WDR35: variants seen among roughly 807,000 people sequenced by gnomAD.
WDR35 encodes the protein WD repeat domain 35.
Under a neutral mutation model 158.3 loss-of-function variants are expected in WDR35, and 118 were observed. That is an observed-to-expected ratio of 0.75 (90% CI 0.64 to 0.87). The LOEUF is 0.87. Ranked by LOEUF, WDR35 falls within the 40% of genes least tolerant of loss-of-function variation. The pLI is 0.00. For missense variants in WDR35, 1,263 were observed against 1,405.8 expected (o/e 0.90, Z 1.62); for synonymous variants, 448 against 476.1 (o/e 0.94, Z 0.77).
chr2:19,954,791 A>C (rs1481876327), intron 11 of WDR35, among the ~76,000 whole-genome samples: 1 of 152,136 alleles, frequency 6.6e-6, no homozygotes, highest in Non-Finnish European at 1.5e-5. Flanking sequence ...CAGCAATTCC[A>C]CTCCTAGGTA....
intron 11 of WDR35, among the ~76,000 whole-genome samples, chr2:19,957,942 G>A (rs921071289): frequency 1.7e-4 from 26 of 152,342 alleles, no homozygotes; most frequent in Admixed American, 6.5e-4. Flanking sequence ...AAGCAAGGAT[G>A]TAAAATAATT....
chr2:19,936,064 A>G (rs1293286669), intron 20 of WDR35, among the ~76,000 whole-genome samples, 155 bp downstream of exon 20: 2 of 152,208 alleles, frequency 1.3e-5, no homozygotes, highest in African/African-American at 4.8e-5. Flanking sequence ...ACAACTTCAC[A>G]GGATCTCCGG....
chr2:19,935,904 T>C (rs1322062505), intron 20 of WDR35, among the ~76,000 whole-genome samples: 1 of 152,116 alleles, frequency 6.6e-6, no homozygotes, highest in Non-Finnish European at 1.5e-5. Flanking sequence ...TAATATATAA[T>C]AAAGCAAATA....
chr2:19,928,109 T>C (rs1670413204), intron 25 of WDR35, among the ~76,000 whole-genome samples: 1 of 152,176 alleles, frequency 6.6e-6, no homozygotes, highest in African/African-American at 2.4e-5. Flanking sequence ...ACACCCACTC[T>C]GGAAGGTTGT....
chr2:19,920,097 C>T (rs539851155), intron 25 of WDR35, among the ~76,000 whole-genome samples: 1 of 152,236 alleles, frequency 6.6e-6, no homozygotes, highest in South Asian at 2.1e-4. Context: ...CATAGCCCAC[C>T]AACCAAAAAA....
Position 19,973,912 on chromosome 2 carries a change from G to T in WDR35, c.737-204C>A, listed in dbSNP as rs13415707. Among the ~76,000 whole-genome samples the T allele has an allele frequency of 0.11, 16,133 of 151,628 alleles. 944 individuals are homozygous for T. Among genetic ancestry groups the T allele is most frequent in the South Asian group, 0.2 (949 of 4,802 alleles). ...CACTTGAGTCCAGGAGTTCAAGATCGGCCTGGGCAACATGGTGAAACCCTG... is the reference window on the plus strand; with the variant it reads ...CACTTGAGTCCAGGAGTTCAAGATCTGCCTGGGCAACATGGTGAAACCCTG... On this transcript the variant is annotated intron_variant, in intron 7 of 26. Transcript: ENST00000281405.
At chr2:19,939,282 A>G (rs1447707740) in intron 17 of WDR35, among the ~76,000 whole-genome samples, 3 of 152,206 alleles carry the variant, frequency 2.0e-5, no homozygotes, top group Non-Finnish European at 4.4e-5. Flanking sequence ...ACGAAATTTA[A>G]ATGTTCTAAA....
At chr2:19,989,398 GA>G (rs913014961) in intron 1 of WDR35, 116 bp from the exon 2 acceptor site, 2 of 918,398 alleles carry the variant, frequency 2.2e-6, no homozygotes, top group Non-Finnish European at 1.8e-6. Context: ...CGGCCTTGCA[GA>G]AAAAAAATGA....
intron 4 of WDR35, among the ~76,000 whole-genome samples, chr2:19,979,609 T>TG (rs1297100636): frequency 2.0e-5 from 3 of 152,186 alleles, no homozygotes; most frequent in African/African-American, 7.2e-5. Flanking sequence ...CATACCAACA[T>TG]GGGCAACTCT....
intron 2 of WDR35, 105 bp from the exon 3 acceptor site, chr2:19,982,639 G>A: frequency 8.8e-7 from 1 of 1,135,260 alleles, no homozygotes; most frequent in Non-Finnish European, 1.3e-6. Flanking sequence ...ATTTTTCTAA[G>A]TATGCCCCAT....
At chr2:19,951,269 AG>A in intron 13 of WDR35, 145 bp downstream of exon 13, 3 of 722,076 alleles carry the variant, frequency 4.2e-6, no homozygotes, top group Non-Finnish European at 6.7e-6. Flanking sequence ...TCTAGGAAAA[AG>A]TTTACAGAAG....
chr2:19,941,980 A>C (rs556188720), intron 16 of WDR35, 141 bp from the exon 17 acceptor site: 112 of 602,520 alleles, frequency 1.9e-4, no homozygotes, highest in African/African-American at 1.8e-3. Flanking sequence ...CCATAACCTA[A>C]ATAATTAGCA....
chr2:19,966,608 C>T, intron 10 of WDR35, 116 bp downstream of exon 10: 1 of 1,229,712 alleles, frequency 8.1e-7, no homozygotes, highest in South Asian at 1.3e-5. Context: ...CCAATAGTGC[C>T]AACAGACCCA....
chr2:19,962,158 T>C, intron 10 of WDR35: 3 of 870,674 alleles, frequency 3.4e-6, no homozygotes, highest in Admixed American at 2.7e-5. Flanking sequence ...TTTCTATTTT[T>C]ATTTTTATCT....
At chr2:19,970,914 A>G (rs542193430) in intron 8 of WDR35, among the ~76,000 whole-genome samples, 87 of 152,284 alleles carry the variant, frequency 5.7e-4, no homozygotes, top group African/African-American at 2.0e-3. Flanking sequence ...GAATTACAGA[A>G]TGAGCTCCTT....
At chr2:19,914,802 T>C (rs1669944687) in intron 25 of WDR35, among the ~76,000 whole-genome samples, 1 of 152,172 alleles carries the variant, frequency 6.6e-6, no homozygotes, top group South Asian at 2.1e-4. Context: ...ACTGAAACAA[T>C]AGGATTTTGT....
chr2:19,989,076 T>A, intron 2 of WDR35, 89 bp downstream of exon 2: 2 of 1,119,880 alleles, frequency 1.8e-6, no homozygotes, highest in Non-Finnish European at 2.7e-6. Flanking sequence ...TAATCAGAAC[T>A]GCATATTGAC....
chr2:19,962,436 G>A, intron 10 of WDR35: 1 of 1,020,518 alleles, frequency 9.8e-7, no homozygotes, highest in East Asian at 2.4e-5. Context: ...AATCATCAAT[G>A]ACCAATATTA....
intron 1 of WDR35, 144 bp from the exon 2 acceptor site, chr2:19,989,426 G>A: frequency 1.3e-6 from 1 of 777,280 alleles, no homozygotes; most frequent in South Asian, 1.4e-5. Context: ...GTGAAAATGG[G>A]CATGGTCCCC....
Sources: allele counts gnomAD v4.1 joint callset (sites outside exome capture counted in the v4.1 genomes callset), GRCh38; gene constraint gnomAD v4.1.1; transcripts MANE v1.5; gene names NCBI Gene and HGNC (gene_info 2026-07-23, HGNC 2026-07-21).